Variants in ATRNL1 observed in about 807,000 individuals in gnomAD.
The protein encoded by ATRNL1 is attractin like 1, also known as attractin-like protein 1.
In ATRNL1, 95 loss-of-function variants were observed where a neutral mutation model predicts 182.7. That is an observed-to-expected ratio of 0.52 (90% CI 0.44 to 0.62). The LOEUF (loss-of-function observed/expected upper bound fraction) is 0.62. Among genes scored for constraint, ATRNL1 ranks in the 20% least tolerant of loss-of-function variants. The pLI, the probability that ATRNL1 is intolerant of heterozygous loss-of-function variation, is 0.00. For synonymous variants in ATRNL1, 576 were observed against 568.3 expected (o/e 1.01, Z -0.19); for missense variants, 1,471 against 1,679.5 (o/e 0.88, Z 2.17).
chr10:115,771,883 G>T (rs1052938128), intron 27 of ATRNL1, among the ~76,000 whole-genome samples: 1 of 152,122 alleles, frequency 6.6e-6, no homozygotes, highest in Admixed American at 6.5e-5. Flanking sequence ...TTCATAACAA[G>T]AACAATCTTG....
At chr10:115,187,676 T>TG (rs1554889021) in intron 8 of ATRNL1, among the ~76,000 whole-genome samples, 2,167 of 149,258 alleles carry the variant, frequency 0.015, 32 homozygotes, top group African/African-American at 0.049. Context: ...CTTGGTTTTT[T>TG]TTTTTTTTTT....
chr10:115,863,685 C>T (rs1484307514), intron 28 of ATRNL1, among the ~76,000 whole-genome samples: 3 of 152,154 alleles, frequency 2.0e-5, no homozygotes, highest in African/African-American at 7.2e-5. Flanking sequence ...TTTCTTAATG[C>T]TGCCTGCTGA....
intron 10 of ATRNL1, among the ~76,000 whole-genome samples, chr10:115,254,112 T>C (rs1185724337): frequency 2.0e-5 from 3 of 152,208 alleles, no homozygotes; most frequent in Non-Finnish European, 4.4e-5. Flanking sequence ...GCATGTGTCT[T>C]TATAGTAGCA....
chr10:115,608,465 CA>C (rs1447001897), intron 26 of ATRNL1, among the ~76,000 whole-genome samples: 3 of 151,998 alleles, frequency 2.0e-5, no homozygotes, highest in African/African-American at 7.2e-5. Context: ...GAATCAAGAA[CA>C]CTACATACCA....
chr10:115,736,250 A>C (rs1947946992), intron 27 of ATRNL1, among the ~76,000 whole-genome samples: 1 of 152,134 alleles, frequency 6.6e-6, no homozygotes, highest in African/African-American at 2.4e-5. Flanking sequence ...CTTATTCCGA[A>C]CATTGTTCCA....
At chr10:115,283,687 G>C (rs1172458763) in intron 14 of ATRNL1, among the ~76,000 whole-genome samples, 6 of 152,128 alleles carry the variant, frequency 3.9e-5, no homozygotes, top group African/African-American at 1.2e-4. Flanking sequence ...TCCTGAAAAT[G>C]ACAAGGTTAA....
intron 28 of ATRNL1, among the ~76,000 whole-genome samples, chr10:115,892,144 C>CT (rs1295081358): frequency 6.6e-6 from 1 of 152,048 alleles, no homozygotes; most frequent in Non-Finnish European, 1.5e-5. Context: ...GCACTTGAGG[C>CT]TTTTTTTCTC....
At chr10:115,805,375 C>A (rs2134244192) in intron 27 of ATRNL1, among the ~76,000 whole-genome samples, 1 of 152,256 alleles carries the variant, frequency 6.6e-6, no homozygotes, top group Non-Finnish European at 1.5e-5. Context: ...CTACCCACTT[C>A]TGCAGGTCCA....
At chr10:115,732,176 G>A (rs1947818877) in intron 27 of ATRNL1, among the ~76,000 whole-genome samples, 1 of 152,128 alleles carries the variant, frequency 6.6e-6, no homozygotes, top group Admixed American at 6.5e-5. Flanking sequence ...TTGGGTATAT[G>A]CCTAAGGGTG....
intron 26 of ATRNL1, among the ~76,000 whole-genome samples, chr10:115,656,471 A>G (rs2133892776): frequency 6.6e-6 from 1 of 152,234 alleles, no homozygotes; most frequent in African/African-American, 2.4e-5. Flanking sequence ...GCCTGTCTAA[A>G]TGATCCCAAT....
At chr10:115,317,307 GT>G (rs1361307874) in intron 18 of ATRNL1, among the ~76,000 whole-genome samples, 2 of 152,162 alleles carry the variant, frequency 1.3e-5, no homozygotes, top group African/African-American at 2.4e-5. Context: ...TTGTAGTATA[GT>G]TCGAAGTCAG....
intron 26 of ATRNL1, among the ~76,000 whole-genome samples, chr10:115,664,443 G>T (rs1181849206): frequency 6.6e-6 from 1 of 152,004 alleles, no homozygotes; most frequent in African/African-American, 2.4e-5. Flanking sequence ...TTTTTAATTT[G>T]CTATGAATAA....
intron 8 of ATRNL1, among the ~76,000 whole-genome samples, chr10:115,180,737 C>T (rs1472936998): frequency 1.3e-5 from 2 of 151,788 alleles, no homozygotes; most frequent in Non-Finnish European, 2.9e-5. Context: ...TTATGTCTTG[C>T]CAAATTGTAC....
At chr10:115,285,541 C>T (rs1554918489) in intron 14 of ATRNL1, among the ~76,000 whole-genome samples, 1 of 151,948 alleles carries the variant, frequency 6.6e-6, no homozygotes, top group African/African-American at 2.4e-5. Flanking sequence ...ATTATATAAA[C>T]CTGTGTTTTG....
chr10:115,347,643 T>C (rs1856038191), intron 19 of ATRNL1, among the ~76,000 whole-genome samples: 2 of 152,094 alleles, frequency 1.3e-5, no homozygotes, highest in African/African-American at 4.8e-5. Context: ...GCATATATAT[T>C]ATTTTAAAAA....
chr10:115,918,037 T>C (rs1565486216), intron 28 of ATRNL1, among the ~76,000 whole-genome samples: 2 of 148,320 alleles, frequency 1.3e-5, no homozygotes, highest in African/African-American at 2.5e-5. Flanking sequence ...TGCTGCAAAA[T>C]AAAAAAAAAT....
chr10:115,250,913 G>A (rs1012873654), intron 10 of ATRNL1, among the ~76,000 whole-genome samples: 8 of 152,186 alleles, frequency 5.3e-5, no homozygotes, highest in African/African-American at 1.7e-4. Context: ...AGGATCAAAT[G>A]TATTCTGACT....
intron 8 of ATRNL1, among the ~76,000 whole-genome samples, chr10:115,203,761 T>C (rs12219441): frequency 0.23 from 33,331 of 143,624 alleles, 4,394 homozygotes; most frequent in Non-Finnish European, 0.3. Flanking sequence ...TTTTTTTTTT[T>C]TTTTTTTGTA....
intron 23 of ATRNL1, 24 bp downstream of exon 23, chr10:115,467,276 C>G: frequency 1.3e-6 from 2 of 1,518,254 alleles, no homozygotes; most frequent in Non-Finnish European, 1.8e-6. Flanking sequence ...GATGTCATAT[C>G]TCTTTTACAT....
Sources: allele counts gnomAD v4.1 joint callset (sites outside exome capture counted in the v4.1 genomes callset), GRCh38; gene constraint gnomAD v4.1.1; transcripts MANE v1.5; gene names NCBI Gene and HGNC (gene_info 2026-07-23, HGNC 2026-07-21).